NTRK1: variants seen among roughly 807,000 people sequenced by gnomAD.
NTRK1 encodes the protein neurotrophic receptor tyrosine kinase 1, also known as high affinity nerve growth factor receptor.
NTRK1 carries 62 observed loss-of-function variants against 86.8 expected under a neutral mutation model. That is an observed-to-expected ratio of 0.71 (90% confidence interval 0.58 to 0.88). The LOEUF (loss-of-function observed/expected upper bound fraction) is 0.88, where lower values mean the gene tolerates loss of function less well. Among genes scored for constraint, NTRK1 ranks in the 40% least tolerant of loss-of-function variants. NTRK1 has a pLI of 0.00. For missense variants in NTRK1, 967 were observed against 1,078.4 expected (o/e 0.90, Z 1.45); for synonymous variants, 469 against 456.6 (o/e 1.03, Z -0.35).
intron 2 of NTRK1, 24 bp from the exon 3 acceptor site, chr1:156,864,704 T>C (rs1205282582): frequency 1.2e-6 from 2 of 1,613,084 alleles, no homozygotes; most frequent in East Asian, 2.2e-5. Flanking sequence ...ACCTGGGGAC[T>C]GATCCTCCTG....
At chr1:156,839,493 G>C (rs1250209763) in intron 1 of NTRK1, among the ~76,000 whole-genome samples, 1 of 152,212 alleles carries the variant, frequency 6.6e-6, no homozygotes, top group Non-Finnish European at 1.5e-5. Flanking sequence ...CTGGGAGCTG[G>C]CTCTCCTGTG....
In NTRK1 at chr1:156,876,084, TC is replaced by T; in HGVS notation, c.1507del (p.His503ThrfsTer44). 6.2e-7 allele frequency: 1 copy of T among 1,614,120 alleles called. No homozygotes were observed. The highest frequency in any genetic ancestry group is 8.5e-7 in the Non-Finnish European group (1 of 1,179,998). ...TGACCCTGCAAGCCCCCTCAGGTGT[TC>T]ACCACATCAAGCGCCGGGACATCGT... ...NPQYFSDACV[H>X]HIKRRDIVLK... is the part of the protein sequence containing the mutation. On this transcript the variant is annotated frameshift_variant, in exon 13 of 17. Transcript: ENST00000524377. LOFTEE classifies it high-confidence loss of function.
Position 156,873,542 on chromosome 1 carries a change from C to T in NTRK1, c.851-91C>T, listed in dbSNP as rs79700551. 1,393 of 1,085,362 alleles carry T rather than the reference C, an allele frequency of 1.3e-3. 16 individuals carry two copies. In the African/African-American group the frequency reaches 0.019, roughly 15 times the overall value. 67.2% of individuals were successfully genotyped at this position (1,085,362 alleles called of 1,614,324 possible). Reference sequence around the variant, plus strand: ...CAGGCCTGCCCTTTGATTTCGGGTTCTACTCGCTTTGCCCGTGGACTTGTC... The same window carrying T: ...CAGGCCTGCCCTTTGATTTCGGGTTTTACTCGCTTTGCCCGTGGACTTGTC... On this transcript the variant is annotated intron_variant, in intron 7 of 16. Transcript: ENST00000524377.
chr1:156,875,375 TC>T, intron 11 of NTRK1, 144 bp from the exon 12 acceptor site: 1 of 1,108,176 alleles, frequency 9.0e-7, no homozygotes, highest in South Asian at 1.3e-5. Context: ...GGTGCCCCCT[TC>T]CCCCTGCCTG....
intron 1 of NTRK1, chr1:156,816,666 C>A: frequency 6.2e-7 from 1 of 1,601,974 alleles, no homozygotes; most frequent in South Asian, 1.1e-5. Flanking sequence ...CCTTCAACTT[C>A]ACACTTACCT....
intron 2 of NTRK1, chr1:156,846,821 C>T (rs1235685850): frequency 1.6e-6 from 2 of 1,280,336 alleles, no homozygotes; most frequent in Non-Finnish European, 1.1e-6. Flanking sequence ...GGCACCCCCG[C>T]TCTGAATCAC....
upstream of NTRK1, chr1:156,858,495 G>A (rs773679948): frequency 3.6e-5 from 55 of 1,527,136 alleles, no homozygotes; most frequent in Admixed American, 2.0e-4. Context: ...CCAGCTGGCT[G>A]GGAGGGAGGT....
chr1:156,821,846 T>C (rs1254023019), intron 1 of NTRK1, among the ~76,000 whole-genome samples: 1 of 152,200 alleles, frequency 6.6e-6, no homozygotes, highest in Non-Finnish European at 1.5e-5. Flanking sequence ...TCCCACTGGA[T>C]AAGGTTATCC....
intron 2 of NTRK1, chr1:156,843,377 T>C: frequency 6.3e-7 from 1 of 1,597,518 alleles, no homozygotes; most frequent in Non-Finnish European, 8.6e-7. Flanking sequence ...TCTCTGCTCC[T>C]CTCCTGTCTC....
chr1:156,873,396 A>G (rs1231834654), intron 7 of NTRK1, among the ~76,000 whole-genome samples: 3 of 151,960 alleles, frequency 2.0e-5, no homozygotes, highest in Admixed American at 1.3e-4. Flanking sequence ...CCCACCACTT[A>G]TGTTCTTTAA....
At chr1:156,856,105 G>A (rs1314201897), upstream of NTRK1, among the ~76,000 whole-genome samples, 2 of 151,732 alleles carry the variant, frequency 1.3e-5, no homozygotes, top group Non-Finnish European at 2.9e-5. Context: ...TATCATGCGT[G>A]GCCATATATT....
intron 2 of NTRK1, chr1:156,842,229 G>A: frequency 6.2e-7 from 1 of 1,614,020 alleles, no homozygotes; most frequent in African/African-American, 1.3e-5. Context: ...CCAGCCATTT[G>A]GATCATTTCC....
intron 1 of NTRK1, among the ~76,000 whole-genome samples, chr1:156,862,131 C>T (rs1165071791): frequency 6.6e-6 from 1 of 152,192 alleles, no homozygotes; most frequent in Admixed American, 6.5e-5. Context: ...TGGCCTTGTG[C>T]TGTGATGGGC....
rs1214822793 is a variant in NTRK1 at position 156,874,679 on chromosome 1, G to C, written c.1251+53G>C. 4 of 1,550,002 alleles carry C rather than the reference G, an allele frequency of 2.6e-6. No individual in the cohort carries two copies. In the African/African-American group the frequency reaches 4.1e-5, roughly 16 times the overall value. ...GACTTTGGGACCGGGAGGCTGGGTAGAGGCTCATCTGCATGTCATTTCTGG... is the reference window on the plus strand; with the variant it reads ...GACTTTGGGACCGGGAGGCTGGGTACAGGCTCATCTGCATGTCATTTCTGG... On this transcript the variant is annotated intron_variant, in intron 10 of 16. Coordinates refer to ENST00000524377, the MANE Select transcript of NTRK1 (RefSeq NM_002529.4).
At chr1:156,874,188 C>T (rs2102907779) in intron 8 of NTRK1, 195 bp from the exon 9 acceptor site, 1 of 949,110 alleles carries the variant, frequency 1.1e-6, no homozygotes, top group Non-Finnish European at 1.7e-6. Context: ...GACAGCCATG[C>T]AGCAGGGCAT....
rs1273418247 is a variant in NTRK1 at position 156,844,804 on chromosome 1, G to A, written c.50+2611G>A. 14 of 1,614,038 alleles carry A rather than the reference G, an allele frequency of 8.7e-6. No homozygotes were observed. The highest frequency in any genetic ancestry group is 1.0e-5 in the Non-Finnish European group (12 of 1,180,032). On this transcript the variant is annotated intron_variant, in intron 2 of 16. Coordinates refer to the NTRK1 transcript ENST00000392302. ...CAGAAGGACACTGTTCTTGCTGGAG[G>A]CCTCCCAGGCCACCTTTCCTGGAAT...
intron 2 of NTRK1, among the ~76,000 whole-genome samples, chr1:156,852,879 G>A (rs1655274605): frequency 6.6e-6 from 1 of 152,144 alleles, no homozygotes; most frequent in African/African-American, 2.4e-5. Flanking sequence ...ATACAGCAGG[G>A]ATCTTGTTAC....
intron 1 of NTRK1, among the ~76,000 whole-genome samples, chr1:156,831,336 T>C (rs752693519): frequency 6.6e-6 from 1 of 152,224 alleles, no homozygotes; most frequent in Non-Finnish European, 1.5e-5. Context: ...TCCTGCTGTG[T>C]GTACTTTGCT....
intron 1 of NTRK1, among the ~76,000 whole-genome samples, chr1:156,827,171 C>T (rs1307283364): frequency 1.3e-5 from 1 of 74,894 alleles, no homozygotes; most frequent in Non-Finnish European, 2.5e-5. Context: ...TAGCCTTGAA[C>T]CCCCAGGTGC....
Sources: gnomAD v4.1 joint callset for allele counts (sites outside exome capture counted in the v4.1 genomes callset) on GRCh38, gnomAD v4.1.1 for gene constraint, MANE v1.5 for transcripts, NCBI Gene and HGNC (gene_info 2026-07-23, HGNC 2026-07-21) for gene names.